Variants in AKAP1 observed in about 807,000 individuals in gnomAD.
AKAP1 encodes the protein A-kinase anchor protein 1, mitochondrial.
In AKAP1, 32 loss-of-function variants were observed where a neutral mutation model predicts 79.8. The ratio of observed to expected loss-of-function variants is 0.40; its 90% CI spans 0.30 to 0.54. AKAP1 has a LOEUF of 0.54. AKAP1 is among the 20% of genes least tolerant of loss of function. The pLI, the probability that AKAP1 is intolerant of heterozygous loss-of-function variation, is 0.47. For synonymous variants in AKAP1, 416 were observed against 466.7 expected, an observed-to-expected ratio of 0.89 and a Z score of 1.40; for missense variants, 961 against 1,138.9, an observed-to-expected ratio of 0.84 and a Z score of 2.25.
chr17:57,111,769 C>T (rs1567912148), intron 3 of AKAP1, 29 bp from the exon 4 acceptor site: 4 of 1,612,034 alleles, frequency 2.5e-6, no homozygotes, highest in Non-Finnish European at 3.4e-6. Flanking sequence ...TCCCTTTAAC[C>T]CTCTCATCTC....
At chr17:57,090,469 C>G (rs985854492) in intron 1 of AKAP1, among the ~76,000 whole-genome samples, 2 of 144,866 alleles carry the variant, frequency 1.4e-5, no homozygotes, top group Non-Finnish European at 3.0e-5. Context: ...GGGGCGTGCT[C>G]CCCACCTCCT....
chr17:57,111,925 G>A lies in AKAP1; in HGVS notation c.1975+1G>A. ...AGCGTCCAGATCTGCCACATAGAAG[G>A]TCAGTAACATCTGCTGCTTGTATTG... On this transcript the variant is annotated splice_donor_variant, in intron 4 of 10. Transcript: ENST00000337714. LOFTEE classifies it high-confidence loss of function. 1 of 1,611,826 alleles carries A rather than the reference G, an allele frequency of 6.2e-7. No individual in the cohort carries two copies.
At chr17:57,111,752 A>G (rs1281150670) in intron 3 of AKAP1, 46 bp from the exon 4 acceptor site, 1 of 1,607,086 alleles carries the variant, frequency 6.2e-7, no homozygotes, top group South Asian at 1.1e-5. Context: ...TGTCCAGGGA[A>G]TTGGTTTCCC....
At chr17:57,113,656 G>A (rs529955130) in intron 5 of AKAP1, among the ~76,000 whole-genome samples, 3 of 134,400 alleles carry the variant, frequency 2.2e-5, no homozygotes, top group East Asian at 2.2e-4. Flanking sequence ...AGTCTGGAGT[G>A]TAGTGGCATG....
intron 7 of AKAP1, 89 bp downstream of exon 7, chr17:57,116,350 G>A (rs2144778419): frequency 6.5e-7 from 1 of 1,536,760 alleles, no homozygotes; most frequent in Non-Finnish European, 8.9e-7. Context: ...GCCAGGGCTT[G>A]GGTGAGGGTT....
Position 57,118,979 on chromosome 17 carries a change from C to T in AKAP1, c.2575-3C>T. 1.9e-6 allele frequency: 3 copies of T among 1,613,272 alleles called. No individual in the cohort carries two copies. Among genetic ancestry groups the T allele is most frequent in the African/African-American group, 1.3e-5 (1 of 75,034 alleles). ...TATTATTCTTTCCACCCCCCTTCTT[C>T]AGGTGACAAGTTACAGTCCAACTGG... On this transcript the variant is annotated splice_polypyrimidine_tract_variant and splice_region_variant and intron_variant, in intron 9 of 10. Coordinates refer to ENST00000337714, the MANE Select transcript of AKAP1 (RefSeq NM_003488.4).
chr17:57,120,522 A>G lies in AKAP1; in HGVS notation c.*198A>G. 2.0e-6 allele frequency: 1 copy of G among 490,012 alleles called. No homozygotes were observed. The highest frequency in any genetic ancestry group is 3.6e-6 in the Non-Finnish European group (1 of 278,616). The allele number at this position is 490,012 out of a possible 1,614,324, so 30.4% of individuals were successfully genotyped here. A position where few individuals can be genotyped will look rare whatever the true frequency, so the allele number is the denominator to read the frequency against. ...CTATGGGTTCTCTTCGCAAAGCCAA[A>G]GGATAGTGTTTAACAAGCCAGCTGG... On this transcript the variant is annotated 3_prime_UTR_variant, in exon 11 of 11. Transcript: ENST00000337714.
rs1228941120 is a variant in AKAP1, at chr17:57,118,412, C to T, written c.2532C>T (p.Ala844=). 8.1e-6 allele frequency: 13 copies of T among 1,613,800 alleles called. No individual in the cohort carries two copies. The highest frequency in any genetic ancestry group is 4.4e-5 in the South Asian group (4 of 91,072). The change falls in exon 9 of 11, where the codon GCC becomes GCT. Residue 844 remains alanine, a synonymous_variant. Transcript: ENST00000337714. Reference sequence around the variant, plus strand: ...ACCAGTTTTCACCGGAAGCAGATGCCGCCATGAGCGAGATGACGGGGAATA... The same window carrying T: ...ACCAGTTTTCACCGGAAGCAGATGCTGCCATGAGCGAGATGACGGGGAATA... ...DDDQFSPEAD[A]AMSEMTGNTA...
intron 6 of AKAP1, among the ~76,000 whole-genome samples, chr17:57,114,956 T>C (rs917280062): frequency 1.3e-5 from 2 of 152,078 alleles, no homozygotes; most frequent in African/African-American, 4.8e-5. Context: ...ATTTATTATC[T>C]GTTAAAGGGG....
intron 8 of AKAP1, among the ~76,000 whole-genome samples, chr17:57,118,173 C>T (rs146118702): frequency 6.6e-6 from 1 of 152,204 alleles, no homozygotes; most frequent in Non-Finnish European, 1.5e-5. Flanking sequence ...CAGTGGGCAA[C>T]ATGCAGTAGC....
In AKAP1 at chr17:57,120,808, G is replaced by C. The variant is rs79420535; in HGVS notation, c.*484G>C. On this transcript the variant is annotated 3_prime_UTR_variant, in exon 11 of 11. Coordinates refer to ENST00000337714, the MANE Select transcript of AKAP1 (RefSeq NM_003488.4). ...CACTACTTGTACAGCTTACATAAATGAGTTGATGATATTTAACCAGTTTTT... is the reference window on the plus strand; with the variant it reads ...CACTACTTGTACAGCTTACATAAATCAGTTGATGATATTTAACCAGTTTTT... 0.022 allele frequency: 3,324 copies of C among 153,310 alleles called. 119 individuals are homozygous for C. Among genetic ancestry groups the C allele is most frequent in the African/African-American group, 0.076 (3,155 of 41,546 alleles). The allele number at this position is 153,310 out of a possible 1,614,324, so 9.5% of individuals were successfully genotyped here.
chr17:57,112,370 A>C, intron 4 of AKAP1, 121 bp from the exon 5 acceptor site: 8 of 1,245,254 alleles, frequency 6.4e-6, no homozygotes, highest in Non-Finnish European at 8.9e-6. Flanking sequence ...TGTTACCTCA[A>C]AGATGCACTT....
chr17:57,104,161 T>A (rs530097646), intron 1 of AKAP1, among the ~76,000 whole-genome samples: 2 of 152,294 alleles, frequency 1.3e-5, no homozygotes, highest in African/African-American at 2.4e-5. Flanking sequence ...GGTTTCACCG[T>A]GTTGCCCAGG....
At chr17:57,104,674 C>T (rs1424752554) in intron 1 of AKAP1, among the ~76,000 whole-genome samples, 3 of 152,182 alleles carry the variant, frequency 2.0e-5, no homozygotes, top group Non-Finnish European at 4.4e-5. Flanking sequence ...GCTAGCATTG[C>T]GAGAGAGTAG....
intron 9 of AKAP1, 107 bp from the exon 10 acceptor site, chr17:57,118,875 A>C: frequency 1.6e-6 from 2 of 1,240,524 alleles, no homozygotes; most frequent in Non-Finnish European, 2.3e-6. Flanking sequence ...ACCTCCCACC[A>C]GGTCTCTCCC....
At position 57,105,895 on chromosome 17, in the gene AKAP1, CT is replaced by C; in HGVS notation, c.432del (p.Leu145Ter). 6.2e-7 allele frequency: 1 copy of C among 1,614,238 alleles called. No individual in the cohort carries two copies. ...ACAGGTGGTGAAGCCAAATCGATTC[CT>C]CTAGAGTGCCCCCTTTCATCCCCAA... ...ALTGGEAKSI[P>X]LECPLSSPKG... On this transcript the variant is annotated frameshift_variant, in exon 2 of 11. Transcript: ENST00000337714. LOFTEE classifies it high-confidence loss of function.
intron 6 of AKAP1, 122 bp downstream of exon 6, chr17:57,114,758 C>G: frequency 8.7e-7 from 1 of 1,149,286 alleles, no homozygotes; most frequent in African/African-American, 1.5e-5. Flanking sequence ...TCAATTCTTG[C>G]CATTGTTATG....
chr17:57,114,685 G>C (rs1330498991), intron 6 of AKAP1, 49 bp downstream of exon 6: 1 of 1,551,252 alleles, frequency 6.4e-7, no homozygotes, highest in Non-Finnish European at 8.8e-7. Context: ...GGGGTTGCCT[G>C]TTCTGCCCTG....
intron 1 of AKAP1, among the ~76,000 whole-genome samples, chr17:57,089,672 A>G (rs527389471): frequency 1.3e-5 from 2 of 152,108 alleles, no homozygotes; most frequent in African/African-American, 4.8e-5. Flanking sequence ...AAAGCATAAC[A>G]TGTTTGAGCT....
Sources: allele counts gnomAD v4.1 joint callset (sites outside exome capture counted in the v4.1 genomes callset), GRCh38; gene constraint gnomAD v4.1.1; transcripts MANE v1.5; gene names NCBI Gene and HGNC (gene_info 2026-07-23, HGNC 2026-07-21).